ANXA2: variants seen among roughly 807,000 people sequenced by gnomAD.
The protein encoded by ANXA2 is annexin II.
Under a neutral mutation model 47.3 loss-of-function variants are expected in ANXA2, and 28 were observed. That is an observed-to-expected ratio of 0.59 (90% CI 0.44 to 0.81). The LOEUF (loss-of-function observed/expected upper bound fraction) is 0.81, where lower values mean the gene tolerates loss of function less well. ANXA2 is among the 40% of genes least tolerant of loss of function. ANXA2 has a pLI of 0.00. For missense variants in ANXA2, 384 were observed against 414.3 expected, an observed-to-expected ratio of 0.93 and a Z score of 0.64; for synonymous variants, 172 against 155.5, an observed-to-expected ratio of 1.11 and a Z score of -0.79.
chr15:60,380,712 A>G (rs12907964), intron 3 of ANXA2, among the ~76,000 whole-genome samples: 116,245 of 149,038 alleles, frequency 0.78, 45,615 homozygotes, highest in African/African-American at 0.85. Context: ...GCTGAGGCAG[A>G]AGAATCACTT....
intron 3 of ANXA2, among the ~76,000 whole-genome samples, chr15:60,378,366 C>T (rs2062809071): frequency 1.3e-5 from 2 of 152,148 alleles, no homozygotes; most frequent in Non-Finnish European, 1.5e-5. Context: ...TTCCTATCTA[C>T]ATTCTGCAGA....
chr15:60,367,398 G>GGC (rs1555401309), intron 3 of ANXA2, among the ~76,000 whole-genome samples: 1 of 84,866 alleles, frequency 1.2e-5, no homozygotes, highest in Non-Finnish European at 2.3e-5. Flanking sequence ...GGAGGCGGGG[G>GGC]GGGGTCGGCC....
rs1012159027 is a variant in ANXA2 at position 60,347,786 on chromosome 15, C to G, written c.961-97G>C. ...AGCCTCAACGCACAATGAAGCTTCTCCCATGACAAAGAGAAGACTCTGCAG... is the reference window on the plus strand; with the variant it reads ...AGCCTCAACGCACAATGAAGCTTCTGCCATGACAAAGAGAAGACTCTGCAG... On this transcript the variant is annotated intron_variant, in intron 12 of 12. Transcript: ENST00000451270. 1.1e-5 allele frequency: 12 copies of G among 1,092,102 alleles called. No homozygotes were observed. In the East Asian group the frequency reaches 2.4e-4, roughly 22 times the overall value. The allele number at this position is 1,092,102 out of a possible 1,614,324, so 67.7% of individuals were successfully genotyped here. A position where few individuals can be genotyped will look rare whatever the true frequency, so the allele number is the denominator to read the frequency against.
intron 3 of ANXA2, among the ~76,000 whole-genome samples, chr15:60,379,921 A>G (rs751642701): frequency 1.3e-5 from 2 of 152,166 alleles, no homozygotes; most frequent in Non-Finnish European, 2.9e-5. Flanking sequence ...CATTTGCGCA[A>G]TCTTTACATT....
chr15:60,374,696 T>C (rs934761657), intron 3 of ANXA2: 14 of 455,978 alleles, frequency 3.1e-5, no homozygotes, highest in Admixed American at 9.4e-5. Flanking sequence ...CATAGATACA[T>C]AGACAAATAT....
Position 60,347,616 on chromosome 15 carries a change from G to C in ANXA2, c.*14C>G. Reference sequence around the variant, plus strand: ...GGTGAGCACCATTTCTGGACGCTCAGGCCGTGTCGGGCTTCAGTCATCTCC... The same window carrying C: ...GGTGAGCACCATTTCTGGACGCTCACGCCGTGTCGGGCTTCAGTCATCTCC... On this transcript the variant is annotated 3_prime_UTR_variant, in exon 13 of 13. Coordinates refer to ENST00000451270, the MANE Select transcript of ANXA2 (RefSeq NM_004039.3). The C allele has an allele frequency of 6.2e-7, 1 of 1,614,046 alleles. No homozygotes were observed. Among genetic ancestry groups the C allele is most frequent in the Non-Finnish European group, 8.5e-7 (1 of 1,179,910 alleles).
At chr15:60,379,964 A>T (rs116169401) in intron 3 of ANXA2, among the ~76,000 whole-genome samples, 1 of 152,230 alleles carries the variant, frequency 6.6e-6, no homozygotes, top group East Asian at 1.9e-4. Context: ...ACGCAGGGAC[A>T]AAAGAAGTCT....
At chr15:60,386,872 C>T (rs1270807608) in intron 1 of ANXA2, 2 of 152,232 alleles carry the variant, frequency 1.3e-5, no homozygotes, top group Admixed American at 1.3e-4. Flanking sequence ...TCAACAGAGA[C>T]AAGACAGGTC....
Position 60,387,444 on chromosome 15 carries a change from T to C in ANXA2, c.-11-1358A>G, listed in dbSNP as rs566585120. On this transcript the variant is annotated intron_variant, in intron 1 of 12. Coordinates refer to ENST00000451270, the MANE Select transcript of ANXA2 (RefSeq NM_004039.3). ...AAATAAACTGTGGTACATTCAGACA[T>C]GGAATATTATTCAGCACTGAAAAGA... Among the ~76,000 whole-genome samples, 6 of 152,292 alleles carry C rather than the reference T, an allele frequency of 3.9e-5. No individual in the cohort carries two copies. In the East Asian group the frequency reaches 5.8e-4, roughly 15 times the overall value.
intron 1 of ANXA2, among the ~76,000 whole-genome samples, chr15:60,388,954 C>CA (rs1368946438): frequency 2.6e-5 from 4 of 151,676 alleles, no homozygotes; most frequent in Non-Finnish European, 5.9e-5. Flanking sequence ...CCCAGGCTGA[C>CA]AGTCTTCTTG....
intron 3 of ANXA2, among the ~76,000 whole-genome samples, chr15:60,364,792 T>C (rs1307625092): frequency 1.3e-5 from 2 of 151,962 alleles, no homozygotes; most frequent in Non-Finnish European, 2.9e-5. Flanking sequence ...TATTCATAAA[T>C]TGGTTTCTGG....
chr15:60,376,398 A>G (rs890838826), intron 3 of ANXA2, among the ~76,000 whole-genome samples: 5 of 151,336 alleles, frequency 3.3e-5, no homozygotes, highest in African/African-American at 1.2e-4. Context: ...AAAAAAGAAG[A>G]CGACGACGAC....
chr15:60,377,611 A>T (rs376656405), intron 3 of ANXA2, among the ~76,000 whole-genome samples: 76 of 152,296 alleles, frequency 5.0e-4, no homozygotes, highest in African/African-American at 1.7e-3. Context: ...AAAACACATA[A>T]CTAAATTTAA....
At chr15:60,365,775 C>G (rs928094134) in intron 3 of ANXA2, among the ~76,000 whole-genome samples, 1 of 151,874 alleles carries the variant, frequency 6.6e-6, no homozygotes, top group Non-Finnish European at 1.5e-5. Flanking sequence ...ATAACTTTAG[C>G]TCTCATTTTT....
intron 10 of ANXA2, 37 bp downstream of exon 10, chr15:60,351,687 C>G (rs1269256114): frequency 7.5e-7 from 1 of 1,339,188 alleles, no homozygotes; most frequent in Non-Finnish European, 1.1e-6. Flanking sequence ...GCTCTGGTAG[C>G]TGATGTCTAC....
Position 60,354,193 on chromosome 15 carries a change from G to A in ANXA2, c.549C>T (p.Gly183=), listed in dbSNP as rs758402872. The change falls in exon 8 of 13, where the codon GGC becomes GGT. Residue 183 remains glycine, a synonymous_variant. Coordinates refer to ENST00000451270, the MANE Select transcript of ANXA2 (RefSeq NM_004039.3). ...CAATCAGTTCATAATCAATGACAGA[G>A]CCATCCTCTGCTCTTCTACCCTATG... ...ALAKGRRAED[G]SVIDYELIDQ... The A allele has an allele frequency of 1.6e-5, 26 of 1,613,664 alleles. No individual in the cohort carries two copies. Among genetic ancestry groups the A allele is most frequent in the Non-Finnish European group, 1.8e-5 (21 of 1,179,714 alleles).
In ANXA2 at chr15:60,352,333, G is replaced by A. The variant is rs114189022; in HGVS notation, c.682+50C>T. 1.2e-3 allele frequency: 1,601 copies of A among 1,370,864 alleles called. 12 individuals are homozygous for A. The African/African-American group carries it at 0.019, about 16-fold the overall frequency. The allele number at this position is 1,370,864 out of a possible 1,614,324, so 84.9% of individuals were successfully genotyped here. A position where few individuals can be genotyped will look rare whatever the true frequency, so the allele number is the denominator to read the frequency against. Reference sequence around the variant, plus strand: ...TCCCAACATGGACATCCACCCAGCCGCCCCAGCCAGGGCCCCAAGGCACTG... The same window carrying A: ...TCCCAACATGGACATCCACCCAGCCACCCCAGCCAGGGCCCCAAGGCACTG... On this transcript the variant is annotated intron_variant, in intron 9 of 12. Transcript: ENST00000451270. The surrounding 1 kb of genome is among the most constrained non-coding windows in gnomAD (Gnocchi z 4.2).
At chr15:60,390,375 T>C (rs2062992340) in intron 1 of ANXA2, 1 of 722,676 alleles carries the variant, frequency 1.4e-6, no homozygotes. Flanking sequence ...GAAAACATGG[T>C]GAACATTCCT....
chr15:60,351,311 A>C (rs1036632839), intron 10 of ANXA2, 60 bp from the exon 11 acceptor site: 14 of 1,548,740 alleles, frequency 9.0e-6, no homozygotes, highest in African/African-American at 1.4e-5. Flanking sequence ...TCTACCAATG[A>C]GAGAGGATGC....
Sources: gnomAD v4.1 joint callset for allele counts (sites outside exome capture counted in the v4.1 genomes callset) on GRCh38, gnomAD v4.1.1 for gene constraint, Gnocchi (gnomAD v3.1) non-coding constraint, MANE v1.5 for transcripts, NCBI Gene and HGNC (gene_info 2026-07-23, HGNC 2026-07-21) for gene names.